The following HTRA1 variants were observed in gnomAD, a reference collection of about 807,000 sequenced individuals.
HTRA1 encodes HtrA serine peptidase 1, also known as serine protease HTRA1.
A neutral mutation model predicts 49.7 loss-of-function variants in HTRA1; 26 were observed. That is an observed-to-expected ratio of 0.52 (90% confidence interval 0.38 to 0.73). HTRA1 has a LOEUF of 0.73. Ranked by LOEUF, HTRA1 falls within the 30% of genes least tolerant of loss-of-function variation. HTRA1 has a pLI of 0.00. For synonymous variants in HTRA1, 291 were observed against 286.9 expected, an observed-to-expected ratio of 1.01 and a Z score of -0.14; for missense variants, 561 against 667.2, an observed-to-expected ratio of 0.84 and a Z score of 1.75.
chr10:122,498,383 A>C (rs1486674469), intron 3 of HTRA1, among the ~76,000 whole-genome samples: 1 of 152,174 alleles, frequency 6.6e-6, no homozygotes, highest in African/African-American at 2.4e-5. Flanking sequence ...CGGTGATCTC[A>C]GTGCCCATCT....
chr10:122,496,225 G>GTTTTTTTTTTTTGTTTTTTTTTTT (rs1287521208), intron 3 of HTRA1, among the ~76,000 whole-genome samples: 1 of 80,384 alleles, frequency 1.2e-5, no homozygotes, highest in Non-Finnish European at 2.3e-5. Flanking sequence ...GAGATTGTGG[G>GTTTTTTTTTTTTGTTTTTTTTTTT]TTCTTTTTTT....
chr10:122,470,656 C>T (rs112675910), intron 1 of HTRA1, among the ~76,000 whole-genome samples: 3 of 151,346 alleles, frequency 2.0e-5, no homozygotes, highest in African/African-American at 7.3e-5. Flanking sequence ...TCCTAAAGCA[C>T]TGAAGTCCAA....
chr10:122,481,300 T>C (rs993271201), intron 1 of HTRA1, among the ~76,000 whole-genome samples: 2 of 152,052 alleles, frequency 1.3e-5, no homozygotes, highest in Admixed American at 6.5e-5. Context: ...AAGCCACAAA[T>C]ATATCTCATT....
chr10:122,495,271 G>A (rs1382821828), intron 3 of HTRA1, among the ~76,000 whole-genome samples: 1 of 152,114 alleles, frequency 6.6e-6, no homozygotes, highest in Non-Finnish European at 1.5e-5. Context: ...TTCTGTACTG[G>A]GCATTTTGTG....
intron 3 of HTRA1, among the ~76,000 whole-genome samples, chr10:122,502,375 C>T (rs2097501244): frequency 6.6e-6 from 1 of 152,178 alleles, no homozygotes; most frequent in South Asian, 2.1e-4. Context: ...CCGCCTCTTC[C>T]AAGGTGTTAG....
At chr10:122,468,447 A>C in intron 1 of HTRA1, among the ~76,000 whole-genome samples, 1 of 149,482 alleles carries the variant, frequency 6.7e-6, no homozygotes, top group African/African-American at 2.5e-5. Flanking sequence ...CATCATCTTC[A>C]AGGCACTGAC....
At chr10:122,500,155 A>T (rs1370104423) in intron 3 of HTRA1, among the ~76,000 whole-genome samples, 1 of 152,218 alleles carries the variant, frequency 6.6e-6, no homozygotes, top group Admixed American at 6.5e-5. Flanking sequence ...AAGGAAGCTG[A>T]AATACCGATG....
chr10:122,491,600 G>T (rs972430312), intron 3 of HTRA1, among the ~76,000 whole-genome samples: 16 of 152,344 alleles, frequency 1.1e-4, no homozygotes, highest in African/African-American at 3.4e-4. Context: ...TCTGGCCGGG[G>T]GATATTCTTT....
chr10:122,489,097 G>T (rs779745481), intron 2 of HTRA1, 96 bp downstream of exon 2: 7 of 877,506 alleles, frequency 8.0e-6, no homozygotes, highest in Non-Finnish European at 1.4e-5. Flanking sequence ...AAGTGTCAAA[G>T]TGTCACTGAA....
At chr10:122,486,082 G>T in intron 1 of HTRA1, among the ~76,000 whole-genome samples, 1 of 152,348 alleles carries the variant, frequency 6.6e-6, no homozygotes, top group East Asian at 1.9e-4. Flanking sequence ...GAGGGTAGCA[G>T]ATCTGTAGGA....
chr10:122,463,606 A>T (rs532804543), intron 1 of HTRA1, among the ~76,000 whole-genome samples: 46 of 152,174 alleles, frequency 3.0e-4, no homozygotes, highest in African/African-American at 1.1e-3. Context: ...GGGCTCAATG[A>T]TTCTCCTGCT....
In HTRA1 at chr10:122,462,134, C is replaced by A; in HGVS notation, c.472+10C>A. ...GGAGCCTGCGGCCAAGGTACTCCGC[C>A]GCGCTCCTGGGCAGCTCCCCACTCT... On this transcript the variant is annotated intron_variant, in intron 1 of 8. Coordinates refer to ENST00000368984, the MANE Select transcript of HTRA1 (RefSeq NM_002775.5). 6.5e-7 allele frequency: 1 copy of A among 1,528,640 alleles called. No homozygotes were observed. Among genetic ancestry groups the A allele is most frequent in the South Asian group, 1.2e-5 (1 of 83,736 alleles). 94.7% of individuals were successfully genotyped at this position (1,528,640 alleles called of 1,614,324 possible). A position where few individuals can be genotyped will look rare whatever the true frequency, so the allele number is the denominator to read the frequency against.
At chr10:122,485,000 A>G (rs2097492516) in intron 1 of HTRA1, among the ~76,000 whole-genome samples, 3 of 152,228 alleles carry the variant, frequency 2.0e-5, no homozygotes, top group Non-Finnish European at 2.9e-5. Flanking sequence ...ATCACAGCAG[A>G]TGGGCCAGCC....
intron 1 of HTRA1, among the ~76,000 whole-genome samples, chr10:122,485,739 G>C (rs1159180160): frequency 1.3e-5 from 2 of 152,192 alleles, no homozygotes; most frequent in Admixed American, 6.5e-5. Flanking sequence ...TTTGCCCCTG[G>C]TGTGGGCAAA....
At chr10:122,479,553 T>C (rs980009731) in intron 1 of HTRA1, among the ~76,000 whole-genome samples, 6 of 152,212 alleles carry the variant, frequency 3.9e-5, no homozygotes, top group African/African-American at 1.4e-4. Context: ...TTCTTATTGA[T>C]AATATTATTT....
intron 5 of HTRA1, 129 bp from the exon 6 acceptor site, chr10:122,508,527 C>A: frequency 1.3e-6 from 1 of 766,176 alleles, no homozygotes; most frequent in Non-Finnish European, 2.4e-6. Flanking sequence ...CACGGGGATC[C>A]CCTCCTTGCA....
rs1170723033 is a variant in HTRA1 at position 122,496,225 on chromosome 10, GTTCTTTTTTT to G, written c.777+6602_777+6611del. 2.7e-3 allele frequency among the ~76,000 whole-genome samples: 215 copies of G among 80,396 alleles called. 16 individuals are homozygous for G. Among genetic ancestry groups the G allele is most frequent in the East Asian group, 0.017 (43 of 2,562 alleles). The allele number at this position is 80,396 out of a possible 152,430, so 52.7% of individuals were successfully genotyped here. A position where few individuals can be genotyped will look rare whatever the true frequency, so the allele number is the denominator to read the frequency against. On this transcript the variant is annotated intron_variant, in intron 3 of 8. Coordinates refer to ENST00000368984, the MANE Select transcript of HTRA1 (RefSeq NM_002775.5). ...CCCTTTCGTTTGCCAGAGATTGTGG[GTTCTTTTTTT>G]TTTTTTTTTTTTTTTTTTTTTTTTG... is the stretch of plus-strand genomic sequence containing the variant.
intron 3 of HTRA1, among the ~76,000 whole-genome samples, chr10:122,500,085 A>G (rs1477726515): frequency 6.6e-6 from 1 of 152,140 alleles, no homozygotes; most frequent in African/African-American, 2.4e-5. Flanking sequence ...TCTTTTCTCC[A>G]AGCTTCAGGG....
At chr10:122,472,581 G>A (rs2097486637) in intron 1 of HTRA1, among the ~76,000 whole-genome samples, 1 of 151,948 alleles carries the variant, frequency 6.6e-6, no homozygotes, top group African/African-American at 2.4e-5. Flanking sequence ...TTTTTAAGTA[G>A]AGACAGTTTC....
Sources: allele counts gnomAD v4.1 joint callset (sites outside exome capture counted in the v4.1 genomes callset), GRCh38; gene constraint gnomAD v4.1.1; transcripts MANE v1.5; gene names NCBI Gene and HGNC (gene_info 2026-07-23, HGNC 2026-07-21).